FLRT2: variants seen among roughly 807,000 people sequenced by gnomAD.
The protein encoded by FLRT2 is leucine-rich repeat transmembrane protein FLRT2.
FLRT2 carries 15 observed loss-of-function variants against 40.0 expected under a neutral mutation model. The observed-to-expected ratio is 0.38, with a 90% confidence interval of 0.25 to 0.58. FLRT2 has a LOEUF of 0.58. Among genes scored for constraint, FLRT2 ranks in the 20% least tolerant of loss-of-function variants. The pLI is 0.71. For missense variants in FLRT2, 726 were observed against 840.0 expected (o/e 0.86, Z 1.68); for synonymous variants, 380 against 336.8 (o/e 1.13, Z -1.41).
chr14:85,578,233 T>TAAA (rs1566737124), intron 1 of FLRT2, among the ~76,000 whole-genome samples: 14 of 146,714 alleles, frequency 9.5e-5, no homozygotes, highest in Admixed American at 2.8e-4. Flanking sequence ...TATTTATATA[T>TAAA]TTTTTATGTA....
rs113426146 is a variant in FLRT2, at chr14:85,622,732, C to T, written c.1218C>T (p.Pro406=). The change falls in exon 2 of 2, where the codon CCC becomes CCT. Residue 406 remains proline (P), a synonymous_variant. Transcript: ENST00000330753. ...CAACTCCTACCACATCGAAACTTCCCACGATTCCTGACTGGGATGGCAGAG... is the reference window on the plus strand; with the variant it reads ...CAACTCCTACCACATCGAAACTTCCTACGATTCCTGACTGGGATGGCAGAG... ...TPPTPTTSKL[P]TIPDWDGRER... is the part of the protein sequence containing the mutation. 14 of 1,614,074 alleles carry T rather than the reference C, an allele frequency of 8.7e-6. No homozygotes were observed. The African/African-American group carries it at 9.3e-5, about 11-fold the overall frequency.
At chr14:85,588,128 AG>A (rs1457472477) in intron 1 of FLRT2, among the ~76,000 whole-genome samples, 3 of 152,084 alleles carry the variant, frequency 2.0e-5, no homozygotes, top group Non-Finnish European at 4.4e-5. Flanking sequence ...GAACGAAACA[AG>A]TGTCACTATT....
intron 1 of FLRT2, among the ~76,000 whole-genome samples, chr14:85,599,204 G>A (rs1317128663): frequency 7.0e-6 from 1 of 142,816 alleles, no homozygotes; most frequent in East Asian, 2.1e-4. Flanking sequence ...ACAGGCGTGA[G>A]CCGCTGCGCC....
chr14:85,531,410 G>A (rs1306116876), intron 1 of FLRT2, among the ~76,000 whole-genome samples: 1 of 152,184 alleles, frequency 6.6e-6, no homozygotes, highest in Non-Finnish European at 1.5e-5. Context: ...TGACCAGTAC[G>A]GGGCTCGCTC....
Position 85,623,456 on chromosome 14 carries a change from T to A in FLRT2, c.1942T>A (p.Cys648Ser), listed in dbSNP as rs1158463664. The A allele has an allele frequency of 1.4e-6, 2 of 1,466,122 alleles. No homozygotes were observed. The highest frequency in any genetic ancestry group is 2.4e-5 in the East Asian group (1 of 41,700). The allele number at this position is 1,466,122 out of a possible 1,614,324, so 90.8% of individuals were successfully genotyped here. Residue 648 changes from cysteine (C) to serine (S), a missense_variant, in exon 2 of 2, where the codon TGC becomes AGC. By Grantham distance (112) the Cys-to-Ser change is moderately radical (BLOSUM62 -1). Coordinates refer to ENST00000330753, the MANE Select transcript of FLRT2 (RefSeq NM_013231.6). Reference protein sequence around the residue: ...DCHIPNNMRYCNSSVPDLEHC... With the variant: ...DCHIPNNMRYSNSSVPDLEHC... ...CCATATCCCCAACAACATGCGATAC[T>A]GCAACAGCAGCGTGCCAGACCTGGA... is the stretch of plus-strand genomic sequence containing the variant.
intron 1 of FLRT2, among the ~76,000 whole-genome samples, chr14:85,620,781 A>C (rs944001413): frequency 6.6e-6 from 1 of 152,214 alleles, no homozygotes; most frequent in African/African-American, 2.4e-5. Flanking sequence ...ATTTGTAGAT[A>C]ATTATCATTA....
chr14:85,576,743 T>TTG (rs1891140919), intron 1 of FLRT2, among the ~76,000 whole-genome samples: 1 of 152,196 alleles, frequency 6.6e-6, no homozygotes, highest in Non-Finnish European at 1.5e-5. Context: ...AACTAGTTGC[T>TTG]TGTTTGGTGG....
At chr14:85,544,192 A>G (rs1889142579) in intron 1 of FLRT2, among the ~76,000 whole-genome samples, 1 of 152,232 alleles carries the variant, frequency 6.6e-6, no homozygotes, top group African/African-American at 2.4e-5. Flanking sequence ...CAGGTTTGTC[A>G]GACAAATATT....
At chr14:85,555,934 A>G (rs1438550738) in intron 1 of FLRT2, among the ~76,000 whole-genome samples, 1 of 151,998 alleles carries the variant, frequency 6.6e-6, no homozygotes, top group Non-Finnish European at 1.5e-5. Flanking sequence ...ACTAGAAAAC[A>G]CTTTTAAGGA....
intron 1 of FLRT2, among the ~76,000 whole-genome samples, chr14:85,559,013 C>T (rs184982129): frequency 7.0e-4 from 106 of 152,324 alleles, no homozygotes; most frequent in African/African-American, 2.6e-3. Context: ...TACATTAACA[C>T]AGACCAATAC....
intron 1 of FLRT2, among the ~76,000 whole-genome samples, chr14:85,556,883 A>C (rs748904759): frequency 3.5e-4 from 54 of 152,210 alleles, no homozygotes; most frequent in Non-Finnish European, 6.6e-4. Context: ...AAAGAGGTTT[A>C]ATTGGGCTTA....
intron 1 of FLRT2, among the ~76,000 whole-genome samples, chr14:85,568,900 C>G (rs1220637101): frequency 2.0e-5 from 3 of 152,110 alleles, no homozygotes; most frequent in African/African-American, 7.2e-5. Context: ...AGCCGCCTCT[C>G]TCTGCCTCTC....
chr14:85,597,626 G>A lies in FLRT2; in HGVS notation c.-376-23513G>A, dbSNP rs977664077. ...ATCCAGAGTGCAATGGCACGATCTC[G>A]ACTCACTGCAACGTCTGCCTCCCAG... On this transcript the variant is annotated intron_variant, in intron 1 of 1. Transcript: ENST00000330753. 1.8e-4 allele frequency among the ~76,000 whole-genome samples: 27 copies of A among 152,196 alleles called. No homozygotes were observed. In the East Asian group the frequency reaches 1.9e-3, roughly 11 times the overall value.
intron 1 of FLRT2, among the ~76,000 whole-genome samples, chr14:85,546,724 G>C (rs1348394946): frequency 6.6e-6 from 1 of 152,114 alleles, no homozygotes; most frequent in Non-Finnish European, 1.5e-5. Context: ...TGTTTGTCTG[G>C]ACTACATGCA....
In FLRT2 at chr14:85,626,097, A is replaced by C. The variant is rs920711924; in HGVS notation, c.*2600A>C. On this transcript the variant is annotated 3_prime_UTR_variant, in exon 2 of 2. Transcript: ENST00000330753. The stretch of plus-strand genomic sequence containing the variant: ...CAGGCTTTATTTTCACCTTGTGTAC[A>C]ACATGGCAAAGACTGCTAAGATTAA... The C allele has an allele frequency of 1.2e-5, 2 of 167,078 alleles. No individual in the cohort carries two copies. Among genetic ancestry groups the C allele is most frequent in the Non-Finnish European group, 2.9e-5 (2 of 68,136 alleles). 10.3% of individuals were successfully genotyped at this position (167,078 alleles called of 1,614,324 possible). A position where few individuals can be genotyped will look rare whatever the true frequency, so the allele number is the denominator to read the frequency against.
At chr14:85,576,973 C>G (rs1019765871) in intron 1 of FLRT2, among the ~76,000 whole-genome samples, 6 of 152,314 alleles carry the variant, frequency 3.9e-5, no homozygotes, top group African/African-American at 1.4e-4. Context: ...TGCTCCTGAT[C>G]TTAAATACTG....
At chr14:85,594,626 A>T (rs2139322688) in intron 1 of FLRT2, among the ~76,000 whole-genome samples, 1 of 152,302 alleles carries the variant, frequency 6.6e-6, no homozygotes, top group Non-Finnish European at 1.5e-5. Flanking sequence ...AATCTCACTC[A>T]TTTGCAGTTG....
At chr14:85,603,007 A>C (rs1323513849) in intron 1 of FLRT2, among the ~76,000 whole-genome samples, 1 of 152,198 alleles carries the variant, frequency 6.6e-6, no homozygotes, top group African/African-American at 2.4e-5. Flanking sequence ...AATGAAGTTT[A>C]TCTTAAATGC....
chr14:85,617,475 A>G (rs543294522), intron 1 of FLRT2, among the ~76,000 whole-genome samples: 1 of 152,332 alleles, frequency 6.6e-6, no homozygotes, highest in East Asian at 1.9e-4. Flanking sequence ...TGATAGAAGT[A>G]GGATGAGAAC....
Sources: gnomAD v4.1 joint callset for allele counts (sites outside exome capture counted in the v4.1 genomes callset) on GRCh38, gnomAD v4.1.1 for gene constraint, MANE v1.5 for transcripts, NCBI Gene and HGNC (gene_info 2026-07-23, HGNC 2026-07-21) for gene names.